The following RGS7 variants were observed in gnomAD, a reference collection of about 807,000 sequenced individuals.
The protein encoded by RGS7 is regulator of G protein signaling 7, also known as regulator of G-protein signaling 7.
A neutral mutation model predicts 81.1 loss-of-function variants in RGS7; 27 were observed. That is an observed-to-expected ratio of 0.33 (90% CI 0.25 to 0.46). The LOEUF (loss-of-function observed/expected upper bound fraction) is 0.46. Ranked by LOEUF, RGS7 falls within the 20% of genes least tolerant of loss-of-function variation. RGS7 has a pLI of 1.00. For missense variants in RGS7, 396 were observed against 607.4 expected (o/e 0.65, Z 3.66); for synonymous variants, 208 against 207.7 (o/e 1.00, Z -0.01).
intron 2 of RGS7, among the ~76,000 whole-genome samples, chr1:241,266,896 T>C (rs1317411418): frequency 1.3e-5 from 2 of 152,206 alleles, no homozygotes; most frequent in East Asian, 3.8e-4. Flanking sequence ...CTCCTCGGAT[T>C]CTGGATCTAG....
At chr1:241,207,945 A>G (rs10926431) in intron 2 of RGS7, among the ~76,000 whole-genome samples, 34,534 of 151,942 alleles carry the variant, frequency 0.23, 4,695 homozygotes, top group East Asian at 0.64. Context: ...TCCCTCTGTC[A>G]CCCAGGCTGG....
At chr1:241,155,026 G>A (rs1244943793) in intron 2 of RGS7, among the ~76,000 whole-genome samples, 3 of 152,122 alleles carry the variant, frequency 2.0e-5, no homozygotes, top group South Asian at 2.1e-4. Flanking sequence ...AAGATAAACT[G>A]AAAAAGGCAA....
chr1:240,838,289 C>A (rs533138232), intron 9 of RGS7, among the ~76,000 whole-genome samples: 26 of 152,142 alleles, frequency 1.7e-4, no homozygotes, highest in Non-Finnish European at 3.8e-4. Flanking sequence ...GGGCACTAAT[C>A]CCATTCAAGA....
At chr1:240,812,989 G>A (rs1690136694) in intron 13 of RGS7, among the ~76,000 whole-genome samples, 1 of 152,152 alleles carries the variant, frequency 6.6e-6, no homozygotes, top group South Asian at 2.1e-4. Flanking sequence ...AGAGAGACCA[G>A]AAATGCAATC....
chr1:240,838,388 T>C (rs1695046918), intron 9 of RGS7, among the ~76,000 whole-genome samples: 1 of 152,194 alleles, frequency 6.6e-6, no homozygotes, highest in South Asian at 2.1e-4. Context: ...CACATGAATT[T>C]GGGGAGGACA....
At chr1:241,308,795 A>C (rs1180086334) in intron 2 of RGS7, among the ~76,000 whole-genome samples, 1 of 152,188 alleles carries the variant, frequency 6.6e-6, no homozygotes, top group Non-Finnish European at 1.5e-5. Context: ...TTCAGCAAAG[A>C]AAAGAAAGGA....
chr1:241,264,391 G>C (rs903915122), intron 2 of RGS7, among the ~76,000 whole-genome samples: 1 of 152,110 alleles, frequency 6.6e-6, no homozygotes, highest in Non-Finnish European at 1.5e-5. Flanking sequence ...CCAGCTACTT[G>C]GAGGCTGAAA....
At chr1:241,038,559 A>C (rs1376301629) in intron 3 of RGS7, among the ~76,000 whole-genome samples, 2 of 152,258 alleles carry the variant, frequency 1.3e-5, no homozygotes, top group African/African-American at 2.4e-5. Flanking sequence ...AAGAACAAAC[A>C]TCAGAAATTC....
intron 10 of RGS7, among the ~76,000 whole-genome samples, chr1:240,821,653 A>T (rs185445644): frequency 7.5e-4 from 114 of 152,334 alleles, no homozygotes; most frequent in Non-Finnish European, 1.4e-3. Context: ...ATGCAGAAAC[A>T]GCTAGAACCA....
At chr1:241,081,396 T>C (rs1161875982) in intron 3 of RGS7, among the ~76,000 whole-genome samples, 1 of 152,216 alleles carries the variant, frequency 6.6e-6, no homozygotes, top group African/African-American at 2.4e-5. Flanking sequence ...TTCCAGAAAG[T>C]TGTTTGTTTA....
At chr1:240,870,167 AC>A in intron 6 of RGS7, 48 bp from the exon 7 acceptor site, 3 of 1,508,496 alleles carry the variant, frequency 2.0e-6, no homozygotes, top group Non-Finnish European at 2.8e-6. Context: ...ACACCATGGC[AC>A]TATAAGTAAA....
chr1:241,118,158 C>T (rs749080426), intron 2 of RGS7, among the ~76,000 whole-genome samples: 2 of 152,102 alleles, frequency 1.3e-5, no homozygotes, highest in African/African-American at 2.4e-5. Context: ...GTTTTTACAA[C>T]CCACAACTGG....
chr1:241,148,051 C>CTTTTTTTTTTTTTTT (rs58632066), intron 2 of RGS7, among the ~76,000 whole-genome samples: 16 of 108,502 alleles, frequency 1.5e-4, no homozygotes, highest in African/African-American at 2.1e-4. Context: ...TTTTCTTTTT[C>CTTTTTTTTTTTTTTT]TTTTTTTTTT....
chr1:240,860,809 C>T (rs1249234249), intron 9 of RGS7, among the ~76,000 whole-genome samples: 1 of 152,088 alleles, frequency 6.6e-6, no homozygotes, highest in African/African-American at 2.4e-5. Context: ...AGAATCAATT[C>T]TATATCCCAA....
At chr1:241,306,746 C>T (rs1474972301) in intron 2 of RGS7, among the ~76,000 whole-genome samples, 7 of 152,048 alleles carry the variant, frequency 4.6e-5, no homozygotes, top group African/African-American at 1.7e-4. Flanking sequence ...CACGTCCCCA[C>T]ACTCGCACAC....
chr1:240,945,680 T>A (rs1197362250), intron 4 of RGS7, among the ~76,000 whole-genome samples: 1 of 152,194 alleles, frequency 6.6e-6, no homozygotes, highest in Admixed American at 6.5e-5. Flanking sequence ...CAAAACAAAA[T>A]CAGTGGAATG....
intron 2 of RGS7, among the ~76,000 whole-genome samples, chr1:241,281,794 A>C (rs1309575578): frequency 6.6e-6 from 1 of 152,236 alleles, no homozygotes; most frequent in Non-Finnish European, 1.5e-5. Flanking sequence ...AATATGCTTT[A>C]ATCAACTATT....
intron 6 of RGS7, chr1:240,920,313 T>C (rs1380066548): frequency 1.4e-6 from 2 of 1,446,884 alleles, no homozygotes; most frequent in Non-Finnish European, 1.9e-6. Flanking sequence ...TGGAGGAAAC[T>C]TCAGTGGTCA....
At chr1:241,340,883 GT>G (rs1310359060) in intron 2 of RGS7, among the ~76,000 whole-genome samples, 2 of 152,134 alleles carry the variant, frequency 1.3e-5, no homozygotes, top group African/African-American at 4.8e-5. Context: ...GACAGAAGGA[GT>G]TACACACAAA....
Sources: allele counts gnomAD v4.1 joint callset (sites outside exome capture counted in the v4.1 genomes callset), GRCh38; gene constraint gnomAD v4.1.1; transcripts MANE v1.5; gene names NCBI Gene and HGNC (gene_info 2026-07-23, HGNC 2026-07-21).